The following ANO4 variants were observed in gnomAD, a reference collection of about 807,000 sequenced individuals.
ANO4 encodes the protein anoctamin 4.
A neutral mutation model predicts 141.9 loss-of-function variants in ANO4; 69 were observed. The observed-to-expected ratio is 0.49, with a 90% CI of 0.40 to 0.59. The LOEUF is 0.59. Among genes scored for constraint, ANO4 ranks in the 20% least tolerant of loss-of-function variants. ANO4 has a pLI of 0.00. For synonymous variants in ANO4, 350 were observed against 394.3 expected (o/e 0.89, Z 1.33); for missense variants, 894 against 1,162.2 (o/e 0.77, Z 3.36).
rs1712568614 is a variant in ANO4 at position 100,942,534 on chromosome 12, A to G, written c.455A>G (p.Glu152Gly). 1 of 1,611,444 alleles carries G rather than the reference A, an allele frequency of 6.2e-7. No individual in the cohort carries two copies. The highest frequency in any genetic ancestry group is 8.5e-7 in the Non-Finnish European group (1 of 1,179,300). ...GCAGAAGGATTGCAAATGGAGAAAG[A>G]GGTAAATAGTTTGCTTGGATGAGAA... ...IRAEGLQMEK[E>G]SSLINSDIIF... Residue 152 changes from glutamate (E) to glycine (G), a missense_variant and splice_region_variant, in exon 5 of 28, where the codon GAG becomes GGG. Glu to Gly is a moderately conservative substitution (Grantham distance 98). Transcript: ENST00000392977.
chr12:100,759,224 A>G (rs191822609), intron 3 of ANO4, among the ~76,000 whole-genome samples: 35 of 152,278 alleles, frequency 2.3e-4, no homozygotes, highest in Non-Finnish European at 4.3e-4. Flanking sequence ...GCTGCATCAT[A>G]TTAGTCTCTC....
At chr12:100,778,567 A>T (rs1290500709) in intron 3 of ANO4, among the ~76,000 whole-genome samples, 6 of 152,128 alleles carry the variant, frequency 3.9e-5, no homozygotes, top group African/African-American at 1.4e-4. Flanking sequence ...TTGCTGCTGG[A>T]GGTTGTATGG....
At chr12:100,953,877 TG>T (rs111515752) in intron 5 of ANO4, among the ~76,000 whole-genome samples, 10,206 of 151,146 alleles carry the variant, frequency 0.068, 1,053 homozygotes, top group African/African-American at 0.22. Flanking sequence ...AGTAACTGAA[TG>T]GGGGGGTATG....
intron 1 of ANO4, among the ~76,000 whole-genome samples, chr12:100,850,273 A>C (rs997376280): frequency 6.6e-6 from 1 of 152,226 alleles, no homozygotes; most frequent in African/African-American, 2.4e-5. Flanking sequence ...CAAAGTTGAC[A>C]GTTGACTGAA....
At chr12:100,909,266 G>A (rs940478275) in intron 2 of ANO4, among the ~76,000 whole-genome samples, 1 of 152,136 alleles carries the variant, frequency 6.6e-6, no homozygotes, top group Non-Finnish European at 1.5e-5. Context: ...TTTGGCTCAC[G>A]TTTTGAAGAT....
At chr12:101,048,079 A>G (rs1216360075) in intron 13 of ANO4, 4 of 1,187,538 alleles carry the variant, frequency 3.4e-6, no homozygotes, top group Non-Finnish European at 3.2e-6. Context: ...GATTCTTAGT[A>G]GCACTATTGG....
chr12:100,756,604 T>G (rs553247330), intron 3 of ANO4, among the ~76,000 whole-genome samples: 8 of 152,150 alleles, frequency 5.3e-5, no homozygotes, highest in Non-Finnish European at 1.2e-4. Context: ...CACCTTGGCC[T>G]CCTAAAGTGC....
At chr12:100,867,163 T>C (rs1477796621) in intron 1 of ANO4, among the ~76,000 whole-genome samples, 1 of 152,208 alleles carries the variant, frequency 6.6e-6, no homozygotes, top group Non-Finnish European at 1.5e-5. Context: ...AAAATATCAC[T>C]TCTGGAGCCA....
intron 1 of ANO4, chr12:100,885,591 G>T (rs367788540): frequency 9.2e-5 from 14 of 152,312 alleles, no homozygotes; most frequent in African/African-American, 2.9e-4. Context: ...ATCTGTAAAA[G>T]GAGGATAAAG....
rs907453860 is a variant in ANO4 at position 100,892,765 on chromosome 12, A to G, written c.-140-8881A>G. Reference sequence around the variant, plus strand: ...TGTATTTTAAAATTTATTTTCCTTTATTATTGTTTTAATTGTAGTTTTTTT... The same window carrying G: ...TGTATTTTAAAATTTATTTTCCTTTGTTATTGTTTTAATTGTAGTTTTTTT... On this transcript the variant is annotated intron_variant, in intron 1 of 27. Transcript: ENST00000392977. Among the ~76,000 whole-genome samples the G allele has an allele frequency of 2.6e-5, 4 of 151,292 alleles. No individual in the cohort carries two copies. The East Asian group carries it at 7.8e-4, about 29-fold the overall frequency.
At chr12:100,939,477 T>C (rs758802265) in intron 4 of ANO4, 26 bp downstream of exon 4, 1 of 1,607,948 alleles carries the variant, frequency 6.2e-7, no homozygotes, top group Non-Finnish European at 8.5e-7. Context: ...TTCTTACAAA[T>C]GTAATTCGTG....
intron 1 of ANO4, among the ~76,000 whole-genome samples, chr12:100,863,049 C>T (rs747741022): frequency 6.6e-5 from 10 of 152,106 alleles, no homozygotes; most frequent in Admixed American, 2.0e-4. Context: ...AAGAAAGCCA[C>T]GAGCACATGG....
chr12:100,720,336 A>G (rs890967243), intron 1 of ANO4, among the ~76,000 whole-genome samples: 12 of 152,032 alleles, frequency 7.9e-5, no homozygotes, highest in African/African-American at 2.7e-4. Flanking sequence ...GGAGAAACTT[A>G]AGCAGAGAAC....
At chr12:101,027,705 C>T (rs192491539) in intron 9 of ANO4, among the ~76,000 whole-genome samples, 73 of 152,308 alleles carry the variant, frequency 4.8e-4, no homozygotes, top group Admixed American at 3.5e-3. Context: ...AGGGACAGAA[C>T]CTGGATCTCC....
intron 1 of ANO4, among the ~76,000 whole-genome samples, chr12:100,727,457 A>G (rs538217334): frequency 6.6e-6 from 1 of 152,252 alleles, no homozygotes; most frequent in African/African-American, 2.4e-5. Flanking sequence ...TTTTGTCTTA[A>G]AGCCTTTTTC....
intron 24 of ANO4, among the ~76,000 whole-genome samples, chr12:101,114,406 G>A (rs1214716876): frequency 6.6e-6 from 1 of 152,138 alleles, no homozygotes. Flanking sequence ...GTGTGTTCCT[G>A]TACTAGGTAC....
At chr12:100,854,613 C>G (rs938047762) in intron 1 of ANO4, among the ~76,000 whole-genome samples, 18 of 152,100 alleles carry the variant, frequency 1.2e-4, no homozygotes, top group African/African-American at 4.1e-4. Flanking sequence ...TATTACCTCC[C>G]TCTTTAGTTG....
At chr12:101,009,966 T>A (rs987682474) in intron 8 of ANO4, among the ~76,000 whole-genome samples, 2 of 152,250 alleles carry the variant, frequency 1.3e-5, no homozygotes, top group African/African-American at 2.4e-5. Flanking sequence ...ACCCCACTTC[T>A]TTAGGTCACT....
intron 8 of ANO4, among the ~76,000 whole-genome samples, chr12:101,001,905 C>A (rs1488666176): frequency 5.3e-5 from 8 of 152,114 alleles, no homozygotes; most frequent in Admixed American, 5.2e-4. Context: ...TGGGGAAAAA[C>A]CTGATTCTTC....
Sources: allele counts gnomAD v4.1 joint callset (sites outside exome capture counted in the v4.1 genomes callset), GRCh38; gene constraint gnomAD v4.1.1; transcripts MANE v1.5; gene names NCBI Gene and HGNC (gene_info 2026-07-23, HGNC 2026-07-21).